The following SH3GL3 variants were observed in gnomAD, a reference collection of about 807,000 sequenced individuals.
SH3GL3 encodes the protein endophilin-A3.
In SH3GL3, 33 loss-of-function variants were observed where a neutral mutation model predicts 47.7. That is an observed-to-expected ratio of 0.69 (90% CI 0.52 to 0.92). The LOEUF (loss-of-function observed/expected upper bound fraction) is 0.92, where lower values mean the gene tolerates loss of function less well. Ranked by LOEUF, SH3GL3 falls within the 40% of genes least tolerant of loss-of-function variation. The pLI is 0.00. For missense variants in SH3GL3, 363 were observed against 417.8 expected (o/e 0.87, Z 1.14); for synonymous variants, 155 against 148.8 (o/e 1.04, Z -0.30).
Position 83,456,692 on chromosome 15 carries a change from G to A in SH3GL3, c.45+9114G>A, listed in dbSNP as rs867066395. Among the ~76,000 whole-genome samples, 1,443 of 145,096 alleles carry A rather than the reference G, an allele frequency of 9.9e-3. 10 individuals carry two copies. The highest frequency in any genetic ancestry group is 0.014 in the Middle Eastern group (4 of 290). On this transcript the variant is annotated intron_variant, in intron 1 of 8. Transcript: ENST00000427482. ...TCGCGCACGGTGCGCACACACACTGGCCTGCGCCCACTGTCTGGCACTCCC... is the reference window on the plus strand; with the variant it reads ...TCGCGCACGGTGCGCACACACACTGACCTGCGCCCACTGTCTGGCACTCCC...
rs1461806834 is a variant in SH3GL3, at chr15:83,561,589, A to C, written c.114+2268A>C. ...TAAAAAAAGAGATTAATAAAATAGA[A>C]AACAATAACCACAAAAGATCGAAAC... On this transcript the variant is annotated intron_variant, in intron 2 of 8. Coordinates refer to ENST00000427482, the MANE Select transcript of SH3GL3 (RefSeq NM_003027.5). Among the ~76,000 whole-genome samples, 3 of 152,186 alleles carry C rather than the reference A, an allele frequency of 2.0e-5. No homozygotes were observed. The East Asian group carries it at 5.8e-4, about 29-fold the overall frequency.
Position 83,615,184 on chromosome 15 carries a change from A to G in SH3GL3, c.839-2898A>G, listed in dbSNP as rs115541521. On this transcript the variant is annotated intron_variant, in intron 8 of 8. Coordinates refer to ENST00000427482, the MANE Select transcript of SH3GL3 (RefSeq NM_003027.5). ...ATGAACTAGTCAAAATTGAAGTGAG[A>G]TTTTTGTGAGAGAAATGTGTCATAT... Among the ~76,000 whole-genome samples the G allele has an allele frequency of 9.9e-4, 150 of 152,170 alleles. 1 individual carries two copies. The highest frequency in any genetic ancestry group is 3.5e-3 in the African/African-American group (147 of 41,514).
At chr15:83,629,030 A>G in the SH3GL3 span, among the ~76,000 whole-genome samples, 1 of 152,236 alleles carries the variant, frequency 6.6e-6, no homozygotes, top group Non-Finnish European at 1.5e-5. Context: ...AAATACTTAT[A>G]AAGTATTTTA....
At chr15:83,477,555 C>T (rs1209804739) in intron 1 of SH3GL3, among the ~76,000 whole-genome samples, 1 of 152,020 alleles carries the variant, frequency 6.6e-6, no homozygotes, top group East Asian at 1.9e-4. Context: ...AGGACTGTGG[C>T]CAGTTTTAGC....
At chr15:83,481,979 T>G (rs113692786) in intron 1 of SH3GL3, among the ~76,000 whole-genome samples, 1 of 152,206 alleles carries the variant, frequency 6.6e-6, no homozygotes, top group African/African-American at 2.4e-5. Context: ...TCCAATTTAT[T>G]ACTTAACAGA....
chr15:83,571,457 A>G (rs1351289662), intron 4 of SH3GL3, among the ~76,000 whole-genome samples: 1 of 152,154 alleles, frequency 6.6e-6, no homozygotes, highest in African/African-American at 2.4e-5. Flanking sequence ...AGTTGAGCTA[A>G]GGAAATGTAG....
chr15:83,459,535 G>A (rs1490985159), intron 1 of SH3GL3, among the ~76,000 whole-genome samples: 7 of 152,154 alleles, frequency 4.6e-5, no homozygotes, highest in Admixed American at 1.3e-4. Flanking sequence ...CACTGATGCA[G>A]GACCAGAGCA....
chr15:83,485,534 A>G (rs551842554), intron 1 of SH3GL3, among the ~76,000 whole-genome samples: 31 of 152,236 alleles, frequency 2.0e-4, no homozygotes, highest in Middle Eastern at 3.4e-3. Context: ...CCCAGGCTAG[A>G]GTACAGCAGC....
At chr15:83,584,331 G>A (rs1012190190) in intron 6 of SH3GL3, among the ~76,000 whole-genome samples, 1 of 152,076 alleles carries the variant, frequency 6.6e-6, no homozygotes, top group Non-Finnish European at 1.5e-5. Context: ...CCATTCAGAC[G>A]TTCCAAAATA....
At chr15:83,503,824 T>C (rs2042382969) in intron 1 of SH3GL3, among the ~76,000 whole-genome samples, 1 of 152,272 alleles carries the variant, frequency 6.6e-6, no homozygotes, top group Non-Finnish European at 1.5e-5. Context: ...ACTTTTGTTA[T>C]GCATCGCCAA....
intron 1 of SH3GL3, among the ~76,000 whole-genome samples, chr15:83,482,932 A>G (rs1253531790): frequency 6.6e-6 from 1 of 152,140 alleles, no homozygotes; most frequent in Non-Finnish European, 1.5e-5. Flanking sequence ...AGAAATCTTG[A>G]TCTCAATTTG....
chr15:83,537,233 C>A (rs567980034), intron 1 of SH3GL3, among the ~76,000 whole-genome samples: 94 of 152,182 alleles, frequency 6.2e-4, no homozygotes, highest in African/African-American at 2.2e-3. Flanking sequence ...TGGGAAAGAT[C>A]TCTAGCTTCT....
At chr15:83,521,043 G>A (rs891791205) in intron 1 of SH3GL3, among the ~76,000 whole-genome samples, 10 of 152,134 alleles carry the variant, frequency 6.6e-5, no homozygotes, top group Non-Finnish European at 1.0e-4. Context: ...GAATTCCTGC[G>A]TGTCCAGCTG....
chr15:83,611,725 G>A (rs2060671641), intron 8 of SH3GL3: 2 of 152,400 alleles, frequency 1.3e-5, no homozygotes, highest in East Asian at 1.9e-4. Flanking sequence ...CTTACGAGAC[G>A]TTTTCAGCTG....
downstream of SH3GL3, among the ~76,000 whole-genome samples, chr15:83,619,815 C>G (rs903415848): frequency 1.3e-5 from 2 of 152,174 alleles, no homozygotes; most frequent in African/African-American, 4.8e-5. Context: ...TAAGACAACA[C>G]TGAAGTTTGC....
chr15:83,547,542 G>A (rs138051608), intron 1 of SH3GL3, among the ~76,000 whole-genome samples: 10 of 152,274 alleles, frequency 6.6e-5, no homozygotes, highest in African/African-American at 2.4e-4. Context: ...TGCTGTGATT[G>A]CTCACCTGAT....
At chr15:83,498,431 G>A (rs1262957385) in intron 1 of SH3GL3, among the ~76,000 whole-genome samples, 1 of 152,148 alleles carries the variant, frequency 6.6e-6, no homozygotes, top group Non-Finnish European at 1.5e-5. Flanking sequence ...TAAAGGCAAA[G>A]CTCTTGGCAA....
chr15:83,523,011 C>G (rs190362338), intron 1 of SH3GL3, among the ~76,000 whole-genome samples: 220 of 152,170 alleles, frequency 1.4e-3, no homozygotes, highest in Middle Eastern at 3.4e-3. Flanking sequence ...TTAAATAAGC[C>G]AGTTTCTAAA....
intron 1 of SH3GL3, among the ~76,000 whole-genome samples, chr15:83,512,630 A>G (rs1011113453): frequency 6.6e-6 from 1 of 152,134 alleles, no homozygotes; most frequent in Non-Finnish European, 1.5e-5. Flanking sequence ...GAGTGGTGGT[A>G]GGGCAGCATC....
Sources: allele counts gnomAD v4.1 joint callset (sites outside exome capture counted in the v4.1 genomes callset), GRCh38; gene constraint gnomAD v4.1.1; transcripts MANE v1.5; gene names NCBI Gene and HGNC (gene_info 2026-07-23, HGNC 2026-07-21).